SV2B: variants seen among roughly 807,000 people sequenced by gnomAD.
SV2B encodes the protein solute carrier family 22 member B2.
In SV2B, 41 loss-of-function variants were observed where a neutral mutation model predicts 73.9. The observed-to-expected ratio is 0.56, with a 90% CI of 0.43 to 0.72. The LOEUF (loss-of-function observed/expected upper bound fraction) is 0.72, where lower values mean the gene tolerates loss of function less well. Among genes scored for constraint, SV2B ranks in the 30% least tolerant of loss-of-function variants. The pLI, the probability that SV2B is intolerant of heterozygous loss-of-function variation, is 0.00. For synonymous variants in SV2B, 314 were observed against 314.2 expected, an observed-to-expected ratio of 1.00 and a Z score of 0.01; for missense variants, 764 against 857.8, an observed-to-expected ratio of 0.89 and a Z score of 1.37.
In SV2B at chr15:91,241,993, T is replaced by A. The variant is rs1321371723; in HGVS notation, c.452-9826T>A. The stretch of plus-strand genomic sequence containing the variant: ...CGTTTCATCTTTAAGCAGGAGTTAA[T>A]CCTCGCCTCTTCAGAAACCTGCTCT... On this transcript the variant is annotated intron_variant, in intron 2 of 12. Coordinates refer to ENST00000394232, the MANE Select transcript of SV2B (RefSeq NM_001323032.3). This position sits in a 1 kb window ranked among gnomAD's most constrained non-coding sequence, Gnocchi z 4.8. Among the ~76,000 whole-genome samples, 1 of 146,636 alleles carries A rather than the reference T, an allele frequency of 6.8e-6. No homozygotes were observed. The highest frequency in any genetic ancestry group is 1.5e-5 in the Non-Finnish European group (1 of 67,554).
At chr15:91,213,808 A>G (rs1567351137) in intron 1 of SV2B, among the ~76,000 whole-genome samples, 2 of 152,234 alleles carry the variant, frequency 1.3e-5, no homozygotes, top group African/African-American at 4.8e-5. Context: ...GTAGCCAGAT[A>G]CTATTCCCTT....
chr15:91,152,071 C>CTTTTTTTTTTTT (rs59094531), intron 1 of SV2B, among the ~76,000 whole-genome samples: 3 of 137,292 alleles, frequency 2.2e-5, no homozygotes, highest in African/African-American at 8.4e-5. Flanking sequence ...AATTTTTACT[C>CTTTTTTTTTTTT]TTTTTTTTTT....
In SV2B at chr15:91,223,151, G is replaced by C. The variant is rs1257286676; in HGVS notation, c.-391-2722G>C. Reference sequence around the variant, plus strand: ...CGTGTCTGTCTCTGTGTCCTTTTGTGAAGACACCAGTCATATTGGATTAGG... The same window carrying C: ...CGTGTCTGTCTCTGTGTCCTTTTGTCAAGACACCAGTCATATTGGATTAGG... On this transcript the variant is annotated intron_variant, in intron 1 of 12. Coordinates refer to ENST00000394232, the MANE Select transcript of SV2B (RefSeq NM_001323032.3). The surrounding 1 kb of genome is among the most constrained non-coding windows in gnomAD (Gnocchi z 4.6). 6.6e-6 allele frequency among the ~76,000 whole-genome samples: 1 copy of C among 152,084 alleles called. No individual in the cohort carries two copies. Among genetic ancestry groups the C allele is most frequent in the African/African-American group, 2.4e-5 (1 of 41,398 alleles).
rs2041704872 is a variant in SV2B, at chr15:91,100,935, T to C, written c.-392+572T>C. On this transcript the variant is annotated intron_variant, in intron 1 of 12. Coordinates refer to ENST00000394232, the MANE Select transcript of SV2B (RefSeq NM_001323032.3). This position sits in a 1 kb window ranked among gnomAD's most constrained non-coding sequence, Gnocchi z 6.4. ...GCGCAAGGGAAAGAAAATGACTTGT[T>C]TTGCAGGGATGGGCTAGCAAATGCG... 6.6e-6 allele frequency among the ~76,000 whole-genome samples: 1 copy of C among 152,122 alleles called. No homozygotes were observed. Among genetic ancestry groups the C allele is most frequent in the Non-Finnish European group, 1.5e-5 (1 of 68,018 alleles).
intron 1 of SV2B, among the ~76,000 whole-genome samples, chr15:91,119,414 C>T (rs1434207805): frequency 6.6e-6 from 1 of 152,192 alleles, no homozygotes; most frequent in African/African-American, 2.4e-5. Context: ...TGACAAACCC[C>T]ACTCCTGGCT....
intron 1 of SV2B, among the ~76,000 whole-genome samples, chr15:91,225,285 G>A (rs1388931428): frequency 6.7e-6 from 1 of 150,302 alleles, no homozygotes; most frequent in African/African-American, 2.5e-5. Context: ...AAGTAAGCTG[G>A]GATTCAAGAA....
Position 91,108,361 on chromosome 15 carries a change from T to C in SV2B, c.-392+7998T>C, listed in dbSNP as rs551939838. On this transcript the variant is annotated intron_variant, in intron 1 of 12. Transcript: ENST00000394232. ...AGTTCTGCAGTGTCGCATAGTTTGT[T>C]GGAATTCCATAATGAAAATTTTGGA... Among the ~76,000 whole-genome samples, 3 of 152,326 alleles carry C rather than the reference T, an allele frequency of 2.0e-5. No individual in the cohort carries two copies. The South Asian group carries it at 6.2e-4, about 32-fold the overall frequency.
intron 9 of SV2B, among the ~76,000 whole-genome samples, chr15:91,279,030 A>G (rs2048597221): frequency 6.6e-6 from 1 of 152,202 alleles, no homozygotes; most frequent in Non-Finnish European, 1.5e-5. Context: ...TATATATGAC[A>G]TGCATCTGTG....
Position 91,240,138 on chromosome 15 carries a change from C to T in SV2B, c.452-11681C>T, listed in dbSNP as rs1453247519. Among the ~76,000 whole-genome samples, 1 of 152,178 alleles carries T rather than the reference C, an allele frequency of 6.6e-6. No individual in the cohort carries two copies. Among genetic ancestry groups the T allele is most frequent in the East Asian group, 1.9e-4 (1 of 5,192 alleles). ...GGAAAAGGGCTGTTGGGAACATGAC[C>T]AACAGAGTCTATTGCAGGCACAAGG... On this transcript the variant is annotated intron_variant, in intron 2 of 12. Coordinates refer to ENST00000394232, the MANE Select transcript of SV2B (RefSeq NM_001323032.3). The surrounding 1 kb of genome is among the most constrained non-coding windows in gnomAD (Gnocchi z 4.6).
At chr15:91,279,992 A>G (rs947864200) in intron 9 of SV2B, among the ~76,000 whole-genome samples, 2 of 152,238 alleles carry the variant, frequency 1.3e-5, no homozygotes, top group Admixed American at 6.5e-5. Flanking sequence ...TTCTAGACCA[A>G]TGATTCTCAA....
At position 91,110,646 on chromosome 15, in the gene SV2B, C is replaced by A. The variant is rs186909525; in HGVS notation, c.-392+10283C>A. 1.3e-5 allele frequency among the ~76,000 whole-genome samples: 2 copies of A among 152,120 alleles called. No homozygotes were observed. Among genetic ancestry groups the A allele is most frequent in the South Asian group, 4.1e-4 (2 of 4,832 alleles). Reference sequence around the variant, plus strand: ...GGCTCTGCGGGAGAGGAAGAGGCACCGTGGGGTGGCCTGCCCTAGGCAAAG... The same window carrying A: ...GGCTCTGCGGGAGAGGAAGAGGCACAGTGGGGTGGCCTGCCCTAGGCAAAG... On this transcript the variant is annotated intron_variant, in intron 1 of 12. Transcript: ENST00000394232. The surrounding 1 kb of genome is among the most constrained non-coding windows in gnomAD (Gnocchi z 5.4).
intron 1 of SV2B, among the ~76,000 whole-genome samples, chr15:91,147,589 C>T (rs185918217): frequency 7.6e-4 from 116 of 152,278 alleles, no homozygotes; most frequent in African/African-American, 2.7e-3. Context: ...GGCACTCAGT[C>T]CATCCCTAGA....
chr15:91,198,492 T>TGTGTAG (rs2045339015), intron 1 of SV2B, among the ~76,000 whole-genome samples: 1 of 151,520 alleles, frequency 6.6e-6, no homozygotes, highest in South Asian at 2.1e-4. Context: ...TGTGTGTGTG[T>TGTGTAG]GTGTGTAGGT....
intron 2 of SV2B, among the ~76,000 whole-genome samples, chr15:91,244,051 G>A (rs2047129112): frequency 1.3e-5 from 2 of 152,066 alleles, no homozygotes; most frequent in Admixed American, 1.3e-4. Flanking sequence ...CATAATTTGG[G>A]GCATTGGTGA....
rs1567277196 is a variant in SV2B, at chr15:91,132,379, CAG to C, written c.-392+32017_-392+32018del. Among the ~76,000 whole-genome samples, 1 of 152,268 alleles carries C rather than the reference CAG, an allele frequency of 6.6e-6. No individual in the cohort carries two copies. The highest frequency in any genetic ancestry group is 1.5e-5 in the Non-Finnish European group (1 of 68,016). On this transcript the variant is annotated intron_variant, in intron 1 of 12. Transcript: ENST00000394232. This position sits in a 1 kb window ranked among gnomAD's most constrained non-coding sequence, Gnocchi z 4.6. ...TGCAAACATTGGTTGCAAAAACAAT[CAG>C]GGGTTAGGGTGAAGTAAAGTTATAC... is the stretch of plus-strand genomic sequence containing the variant.
At chr15:91,179,449 G>T (rs4611432) in intron 1 of SV2B, among the ~76,000 whole-genome samples, 6,270 of 152,164 alleles carry the variant, frequency 0.041, 428 homozygotes, top group African/African-American at 0.14. Flanking sequence ...GGGTATCCTT[G>T]TTGACTTTCT....
At chr15:91,160,642 G>A (rs1034300783) in intron 1 of SV2B, among the ~76,000 whole-genome samples, 4 of 151,978 alleles carry the variant, frequency 2.6e-5, no homozygotes, top group South Asian at 2.1e-4. Context: ...AAAATAAAAC[G>A]TAGCATAAAA....
chr15:91,181,479 G>A (rs575784896), intron 1 of SV2B, among the ~76,000 whole-genome samples: 137 of 151,790 alleles, frequency 9.0e-4, no homozygotes, highest in African/African-American at 3.1e-3. Context: ...TTTTTGTTTC[G>A]CCGTGAATTT....
intron 1 of SV2B, among the ~76,000 whole-genome samples, chr15:91,171,253 C>A (rs1171124785): frequency 6.6e-6 from 1 of 152,150 alleles, no homozygotes. Context: ...CCTCTCTGTA[C>A]CTCAGCTTTA....
Sources: allele counts gnomAD v4.1 joint callset (sites outside exome capture counted in the v4.1 genomes callset), GRCh38; gene constraint gnomAD v4.1.1; non-coding constraint Gnocchi (gnomAD v3.1); transcripts MANE v1.5; gene names NCBI Gene and HGNC (gene_info 2026-07-23, HGNC 2026-07-21).